Variants in ZFHX3 observed in about 807,000 individuals in gnomAD.
ZFHX3 encodes zinc finger homeobox protein 3.
ZFHX3 carries 42 observed loss-of-function variants against 279.1 expected under a neutral mutation model. The observed-to-expected ratio is 0.15, with a 90% CI of 0.12 to 0.19. The LOEUF is 0.19. Ranked by LOEUF, ZFHX3 falls within the 10% of genes least tolerant of loss-of-function variation. The pLI is 1.00. For missense variants in ZFHX3, 4,981 were observed against 4,754.0 expected, an observed-to-expected ratio of 1.05 and a Z score of -1.40; for synonymous variants, 2,293 against 1,957.8, an observed-to-expected ratio of 1.17 and a Z score of -4.52.
intron 2 of ZFHX3, among the ~76,000 whole-genome samples, chr16:73,654,525 T>C (rs868732378): frequency 1.1e-4 from 17 of 152,242 alleles, no homozygotes; most frequent in African/African-American, 3.1e-4. Flanking sequence ...AGAAAAATTA[T>C]AGGTCAATGT....
At chr16:73,565,814 C>T (rs1348652057) in intron 2 of ZFHX3, among the ~76,000 whole-genome samples, 2 of 152,138 alleles carry the variant, frequency 1.3e-5, no homozygotes, top group African/African-American at 4.8e-5. Flanking sequence ...CTGAATGCAC[C>T]GATGCAACTT....
chr16:72,886,661 A>G (rs1421557744), intron 4 of ZFHX3, among the ~76,000 whole-genome samples: 1 of 152,200 alleles, frequency 6.6e-6, no homozygotes, highest in Non-Finnish European at 1.5e-5. Context: ...GCTGGCCAAA[A>G]AAACACCCCA....
chr16:72,950,678 A>T lies in ZFHX3; in HGVS notation c.3007T>A (p.Cys1003Ser). 1.2e-6 allele frequency: 2 copies of T among 1,614,220 alleles called. No individual in the cohort carries two copies. Among genetic ancestry groups the T allele is most frequent in the Non-Finnish European group, 8.5e-7 (1 of 1,180,030 alleles). The change falls in exon 3 of 10, where the codon TGC (cysteine) becomes AGC (serine). Residue 1003 changes from cysteine (C) to serine (S), a missense_variant. Coordinates refer to ENST00000268489, the MANE Select transcript of ZFHX3 (RefSeq NM_006885.4). ...TTCTGCACGTGCTTGTCTGTCTTGCAGTGCAGCTGGAAGTTGGCCTTGAGC... is the reference window on the plus strand; with the variant it reads ...TTCTGCACGTGCTTGTCTGTCTTGCTGTGCAGCTGGAAGTTGGCCTTGAGC... The part of the protein sequence containing the change: ...TQLKANFQLH[C>S]KTDKHVQKYQ...
intron 5 of ZFHX3, among the ~76,000 whole-genome samples, chr16:73,237,879 C>G (rs1431667030): frequency 6.6e-6 from 1 of 152,166 alleles, no homozygotes; most frequent in Non-Finnish European, 1.5e-5. Flanking sequence ...TCCTCCTTTC[C>G]TTGAAAGTCA....
In ZFHX3 at chr16:72,958,313, A is replaced by T. The variant is rs750204973; in HGVS notation, c.1833T>A (p.Gly611=). 5 of 1,613,830 alleles carry T rather than the reference A, an allele frequency of 3.1e-6. No individual in the cohort carries two copies. The South Asian group carries it at 5.5e-5, about 18-fold the overall frequency. Residue 611 remains glycine, a synonymous_variant, in exon 2 of 10, where the codon GGT becomes GGA. Transcript: ENST00000268489. ...GATGGGGAACGAAGCCCCCATCGTCACCCTCTGTGCTTTCATTTGGTTCTG... is the reference window on the plus strand; with the variant it reads ...GATGGGGAACGAAGCCCCCATCGTCTCCCTCTGTGCTTTCATTTGGTTCTG... The part of the protein sequence containing the change: ...TAPEPNESTE[G]DDGGFVPHHQ...
chr16:73,043,079 C>T (rs1057235355), intron 1 of ZFHX3, among the ~76,000 whole-genome samples: 5 of 151,986 alleles, frequency 3.3e-5, no homozygotes, highest in East Asian at 1.9e-4. Flanking sequence ...ATGTTTTGCC[C>T]GCCTCACTGG....
intron 1 of ZFHX3, among the ~76,000 whole-genome samples, chr16:73,024,356 C>G (rs1964418219): frequency 6.6e-6 from 1 of 152,176 alleles, no homozygotes; most frequent in Non-Finnish European, 1.5e-5. Flanking sequence ...CAGTCTCCAC[C>G]AAGCCTCATC....
At chr16:72,909,645 G>A (rs2039269601) in intron 3 of ZFHX3, among the ~76,000 whole-genome samples, 1 of 152,162 alleles carries the variant, frequency 6.6e-6, no homozygotes, top group Non-Finnish European at 1.5e-5. Flanking sequence ...GGGAGGCTGA[G>A]GTGGGAGGAT....
intron 8 of ZFHX3, among the ~76,000 whole-genome samples, chr16:73,076,033 C>T (rs550169415): frequency 9.9e-5 from 15 of 152,278 alleles, no homozygotes; most frequent in African/African-American, 3.4e-4. Flanking sequence ...TGGCCCCCAA[C>T]AAATCACTTA....
chr16:73,478,401 T>C (rs934500586), intron 2 of ZFHX3, among the ~76,000 whole-genome samples: 1 of 152,164 alleles, frequency 6.6e-6, no homozygotes, highest in Admixed American at 6.5e-5. Context: ...TCTTCCCTGC[T>C]AGTTTATTTT....
intron 8 of ZFHX3, among the ~76,000 whole-genome samples, chr16:73,067,319 C>G (rs771249892): frequency 2.6e-5 from 4 of 152,238 alleles, no homozygotes; most frequent in Admixed American, 2.6e-4. Flanking sequence ...AAAGGTTAAA[C>G]TTACAGTCTT....
chr16:72,959,551 G>A lies in ZFHX3; in HGVS notation c.595C>T (p.His199Tyr), dbSNP rs1216990368. The change falls in exon 2 of 10, where the codon CAC (histidine) becomes TAC (tyrosine). Residue 199 changes from histidine (H) to tyrosine (Y), a missense_variant. This residue lies in a region of ZFHX3 where 1,068 missense variants were observed against 935.2 expected (regional missense o/e 1.14). Transcript: ENST00000268489. ...PVYPQIINTF[H>Y]IASSFGKWFE... The stretch of plus-strand genomic sequence containing the variant: ...CATTTCCCGAAGGATGAGGCTATGT[G>A]GAAAGTGTTGATGATCTGCGGGTAC... 4.3e-6 allele frequency: 7 copies of A among 1,614,128 alleles called. No individual in the cohort carries two copies. Among genetic ancestry groups the A allele is most frequent in the Non-Finnish European group, 5.9e-6 (7 of 1,180,052 alleles).
chr16:73,196,289 G>T (rs1306281643), intron 5 of ZFHX3, among the ~76,000 whole-genome samples: 1 of 152,006 alleles, frequency 6.6e-6, no homozygotes, highest in South Asian at 2.1e-4. Flanking sequence ...CCTCCTTGGG[G>T]TGGTGGGGAG....
At chr16:73,638,127 G>A (rs1416449981) in intron 2 of ZFHX3, among the ~76,000 whole-genome samples, 4 of 152,076 alleles carry the variant, frequency 2.6e-5, no homozygotes, top group African/African-American at 9.7e-5. Flanking sequence ...TCCTTCAAGA[G>A]TCACAAAATG....
At chr16:73,296,940 G>A (rs1006531129) in intron 4 of ZFHX3, among the ~76,000 whole-genome samples, 7 of 144,120 alleles carry the variant, frequency 4.9e-5, no homozygotes, top group Admixed American at 1.4e-4. Flanking sequence ...GTTCAGTGGC[G>A]CTATCTCGGC....
At chr16:73,427,483 AGAT>A (rs1416618374) in intron 3 of ZFHX3, among the ~76,000 whole-genome samples, 1 of 152,150 alleles carries the variant, frequency 6.6e-6, no homozygotes, top group African/African-American at 2.4e-5. Flanking sequence ...GCTCCCACCC[AGAT>A]AGCCTCTTCC....
chr16:73,548,270 C>T (rs1356554252), intron 2 of ZFHX3, among the ~76,000 whole-genome samples: 3 of 152,200 alleles, frequency 2.0e-5, no homozygotes, highest in Admixed American at 6.5e-5. Flanking sequence ...TCCTTAAATG[C>T]CACACGGCTG....
intron 2 of ZFHX3, among the ~76,000 whole-genome samples, chr16:73,523,641 A>G (rs1241796240): frequency 7.0e-6 from 1 of 143,090 alleles, no homozygotes; most frequent in Non-Finnish European, 1.5e-5. Flanking sequence ...TTTTTTTCAT[A>G]TGTATATTCT....
intron 4 of ZFHX3, among the ~76,000 whole-genome samples, chr16:72,880,295 C>T (rs2038428040): frequency 6.6e-6 from 1 of 152,204 alleles, no homozygotes; most frequent in Admixed American, 6.5e-5. Flanking sequence ...TGTGGTCCTC[C>T]CAGTGTCCTA....
Sources: allele counts gnomAD v4.1 joint callset (sites outside exome capture counted in the v4.1 genomes callset), GRCh38; gene constraint gnomAD v4.1.1; regional missense constraint gnomAD v4.1.1; transcripts MANE v1.5; gene names NCBI Gene and HGNC (gene_info 2026-07-23, HGNC 2026-07-21).